The following CCDC30 variants were observed in gnomAD, a reference collection of about 807,000 sequenced individuals.
CCDC30 encodes coiled-coil domain-containing protein 30.
In CCDC30, 70 loss-of-function variants were observed where a neutral mutation model predicts 100.2. The ratio of observed to expected loss-of-function variants is 0.70; its 90% CI spans 0.58 to 0.85. CCDC30 has a LOEUF of 0.85. CCDC30 is among the 40% of genes least tolerant of loss of function. The probability of loss-of-function intolerance (pLI) is 0.00; values close to 1 mark genes in which losing one functional copy is unlikely to be tolerated. For missense variants in CCDC30, 652 were observed against 771.2 expected, an observed-to-expected ratio of 0.85 and a Z score of 1.83; for synonymous variants, 233 against 269.5, an observed-to-expected ratio of 0.86 and a Z score of 1.33.
At chr1:42,651,563 C>T (rs904966090) in intron 15 of CCDC30, among the ~76,000 whole-genome samples, 4 of 151,888 alleles carry the variant, frequency 2.6e-5, no homozygotes, top group Non-Finnish European at 5.9e-5. Context: ...TGACTGTTAT[C>T]AAAAAGATGA....
intron 11 of CCDC30, among the ~76,000 whole-genome samples, chr1:42,628,768 A>G (rs1646978765): frequency 6.6e-6 from 1 of 152,206 alleles, no homozygotes; most frequent in South Asian, 2.1e-4. Flanking sequence ...TGGAACTGTA[A>G]GTCCAATTAA....
the CCDC30 span, chr1:42,456,330 G>T: frequency 1.7e-6 from 1 of 603,794 alleles, no homozygotes; most frequent in Non-Finnish European, 2.9e-6. Context: ...GTGAGGGAAC[G>T]TGACCCTACC....
At chr1:42,459,899 C>T, upstream of CCDC30, 1 of 1,612,090 alleles carries the variant, frequency 6.2e-7, no homozygotes, top group South Asian at 1.1e-5. Flanking sequence ...AGTCTCGACA[C>T]ACAGCTTTTA....
rs1019595485 is a variant in CCDC30 at position 42,645,670 on chromosome 1, G to GT, written c.1672-456dup. ...TTCCAAGCTATATGAGTGGGTTTTC[G>GT]TTTTTTTTTCTGATTTTGTCAAAAG... On this transcript the variant is annotated intron_variant, in intron 14 of 16. Transcript: ENST00000668663. Among the ~76,000 whole-genome samples the GT allele has an allele frequency of 1.7e-3, 262 of 150,064 alleles. 1 individual carries two copies. Among genetic ancestry groups the GT allele is most frequent in the Middle Eastern group, 3.4e-3 (1 of 290 alleles).
At chr1:42,622,029 T>C (rs552491142) in intron 11 of CCDC30, among the ~76,000 whole-genome samples, 27 of 152,358 alleles carry the variant, frequency 1.8e-4, no homozygotes, top group African/African-American at 6.5e-4. Context: ...TTATTTTTTA[T>C]AGTTAAAACT....
At chr1:42,457,468 G>A in the CCDC30 span, 1 of 855,042 alleles carries the variant, frequency 1.2e-6, no homozygotes, top group South Asian at 1.4e-5. Context: ...GGGATACAGA[G>A]ATGAATAAGA....
chr1:42,484,884 G>A (rs959985491), intron 3 of CCDC30, among the ~76,000 whole-genome samples: 9 of 151,940 alleles, frequency 5.9e-5, no homozygotes, highest in Admixed American at 5.2e-4. Context: ...TGAATATCAA[G>A]AAAAAAGATG....
chr1:42,501,394 C>T (rs1644310402), intron 6 of CCDC30, among the ~76,000 whole-genome samples: 2 of 152,226 alleles, frequency 1.3e-5, no homozygotes, highest in African/African-American at 2.4e-5. Flanking sequence ...AGAACAATTC[C>T]ATTCTGTAAC....
chr1:42,488,897 C>G (rs201164778), intron 3 of CCDC30, among the ~76,000 whole-genome samples: 1 of 152,196 alleles, frequency 6.6e-6, no homozygotes, highest in African/African-American at 2.4e-5. Flanking sequence ...CTGGTTTGGC[C>G]TCTGCCTATG....
intron 6 of CCDC30, among the ~76,000 whole-genome samples, chr1:42,519,571 G>A (rs1195744583): frequency 1.3e-5 from 2 of 152,026 alleles, no homozygotes; most frequent in Non-Finnish European, 2.9e-5. Flanking sequence ...GTTTTATTGA[G>A]ATGGAGTTTC....
At chr1:42,574,775 G>C (rs1645799539) in intron 7 of CCDC30, among the ~76,000 whole-genome samples, 1 of 152,106 alleles carries the variant, frequency 6.6e-6, no homozygotes, top group African/African-American at 2.4e-5. Flanking sequence ...ACCAATCCCA[G>C]CCACTTCATA....
At chr1:42,469,580 G>A (rs900055014) in intron 1 of CCDC30, among the ~76,000 whole-genome samples, 1 of 152,130 alleles carries the variant, frequency 6.6e-6, no homozygotes, top group Non-Finnish European at 1.5e-5. Context: ...CAGTAGAAAA[G>A]GAGATAAGGA....
intron 6 of CCDC30, 92 bp from the exon 10 acceptor site, chr1:42,556,064 T>C: frequency 7.9e-7 from 1 of 1,266,796 alleles, no homozygotes; most frequent in Non-Finnish European, 1.1e-6. Context: ...AAAATCTTGT[T>C]TGCAACACTG....
intron 8 of CCDC30, chr1:42,580,724 G>A (rs2148591309): frequency 2.8e-6 from 1 of 351,346 alleles, no homozygotes; most frequent in Non-Finnish European, 5.6e-6. Flanking sequence ...TTTCAAATTT[G>A]TAAATCATAT....
intron 1 of CCDC30, chr1:42,468,592 G>A (rs1643665963): frequency 6.6e-6 from 1 of 152,244 alleles, no homozygotes; most frequent in Admixed American, 6.5e-5. Flanking sequence ...GACACCAGCA[G>A]TCTCTGCCAC....
At chr1:42,580,436 T>C (rs1322451975) in intron 8 of CCDC30, among the ~76,000 whole-genome samples, 1 of 152,192 alleles carries the variant, frequency 6.6e-6, no homozygotes, top group African/African-American at 2.4e-5. Flanking sequence ...GCCAAGCCAT[T>C]GTAAAAGATT....
intron 11 of CCDC30, among the ~76,000 whole-genome samples, chr1:42,635,252 G>C (rs1647128889): frequency 6.6e-6 from 1 of 151,840 alleles, no homozygotes; most frequent in Admixed American, 6.6e-5. Context: ...CATCATGTTG[G>C]CCAGGCTGGT....
Position 42,483,182 on chromosome 1 carries a change from TCTC to T in CCDC30, c.169+369_169+371del, listed in dbSNP as rs71896971. ...TGCAGTATGCCTTCTATGGTTTGCT[TCTC>T]CTGCTCAGTCTTATAAGATTCATTC... On this transcript the variant is annotated intron_variant, in intron 3 of 16. Transcript: ENST00000668663. Among the ~76,000 whole-genome samples the T allele has an allele frequency of 3.1e-3, 477 of 152,314 alleles. 17 individuals are homozygous for T. The East Asian group carries it at 0.068, about 22-fold the overall frequency.
At chr1:42,578,327 A>G (rs1196790225) in intron 8 of CCDC30, among the ~76,000 whole-genome samples, 4 of 152,206 alleles carry the variant, frequency 2.6e-5, no homozygotes, top group African/African-American at 9.7e-5. Context: ...GATAAAACTA[A>G]GCTATGGAAG....
Sources: allele counts gnomAD v4.1 joint callset (sites outside exome capture counted in the v4.1 genomes callset), GRCh38; gene constraint gnomAD v4.1.1; transcripts MANE v1.5; gene names NCBI Gene and HGNC (gene_info 2026-07-23, HGNC 2026-07-21).